Variants in SPAG17 observed in about 807,000 individuals in gnomAD.
SPAG17 encodes sperm associated antigen 17.
A neutral mutation model predicts 273.6 loss-of-function variants in SPAG17; 169 were observed. The observed-to-expected ratio is 0.62, with a 90% CI of 0.55 to 0.70. The LOEUF (loss-of-function observed/expected upper bound fraction) is 0.70. Among genes scored for constraint, SPAG17 ranks in the 30% least tolerant of loss-of-function variants. The probability of loss-of-function intolerance (pLI) is 0.00; values close to 1 mark genes in which losing one functional copy is unlikely to be tolerated. For synonymous variants in SPAG17, 825 were observed against 873.2 expected, an observed-to-expected ratio of 0.94 and a Z score of 0.97; for missense variants, 2,557 against 2,627.8, an observed-to-expected ratio of 0.97 and a Z score of 0.59.
At chr1:117,962,401 A>G (rs1653220017) in intron 48 of SPAG17, 1 of 152,230 alleles carries the variant, frequency 6.6e-6, no homozygotes, top group Non-Finnish European at 1.5e-5. Flanking sequence ...TATAAAAACC[A>G]TCTAATGACT....
chr1:118,119,802 G>C (rs1403431253), intron 3 of SPAG17, among the ~76,000 whole-genome samples: 4 of 151,990 alleles, frequency 2.6e-5, no homozygotes, highest in Admixed American at 1.3e-4. Flanking sequence ...CTTTACCACA[G>C]TAAAAAATAT....
At position 117,954,624 on chromosome 1, in the gene SPAG17, C is replaced by A. The variant is rs1300016718; in HGVS notation, c.*1-575G>T. 16 of 1,611,892 alleles carry A rather than the reference C, an allele frequency of 9.9e-6. 1 individual carries two copies. The highest frequency in any genetic ancestry group is 1.3e-5 in the African/African-American group (1 of 74,746). ...CCATCCTAATGGCTTATGGCAGTATCTCAGTGAGTAAAATGTCTAACGGTT... is the reference window on the plus strand; with the variant it reads ...CCATCCTAATGGCTTATGGCAGTATATCAGTGAGTAAAATGTCTAACGGTT... On this transcript the variant is annotated intron_variant, in intron 48 of 48. Transcript: ENST00000336338.
At chr1:118,148,163 G>A (rs17257736) in intron 3 of SPAG17, among the ~76,000 whole-genome samples, 4,225 of 152,186 alleles carry the variant, frequency 0.028, 87 homozygotes, top group Non-Finnish European at 0.042. Flanking sequence ...TTGAGAAATG[G>A]GATGTTGCAA....
intron 3 of SPAG17, among the ~76,000 whole-genome samples, chr1:118,116,209 T>C (rs1657070790): frequency 6.6e-6 from 1 of 152,144 alleles, no homozygotes; most frequent in South Asian, 2.1e-4. Context: ...CTTTATTTAC[T>C]GCAAAAAAAA....
chr1:118,035,416 T>C (rs759065122), intron 24 of SPAG17, among the ~76,000 whole-genome samples: 1 of 152,140 alleles, frequency 6.6e-6, no homozygotes, highest in Non-Finnish European at 1.5e-5. Context: ...GGTAGGAATT[T>C]TTAGTGACTG....
Position 118,030,401 on chromosome 1 carries a change from C to A in SPAG17, c.3609+1291G>T, listed in dbSNP as rs187701858. Among the ~76,000 whole-genome samples, 110 of 151,866 alleles carry A rather than the reference C, an allele frequency of 7.2e-4. 1 individual carries two copies. The highest frequency in any genetic ancestry group is 2.4e-3 in the African/African-American group (98 of 41,418). On this transcript the variant is annotated intron_variant, in intron 25 of 48. Coordinates refer to ENST00000336338, the MANE Select transcript of SPAG17 (RefSeq NM_206996.4). ...TTTCCTTGTTGCCGGTCTTTTAGAA[C>A]CTTCTTTTTTTTTTTCCAAAACTAT...
At chr1:118,076,415 T>C (rs1037933950) in intron 15 of SPAG17, 4 of 152,130 alleles carry the variant, frequency 2.6e-5, no homozygotes, top group Admixed American at 6.6e-5. Flanking sequence ...GGGAAAACCA[T>C]ACAGCCAATT....
intron 44 of SPAG17, among the ~76,000 whole-genome samples, chr1:117,972,573 TC>T (rs1654683430): frequency 6.6e-6 from 1 of 152,196 alleles, no homozygotes; most frequent in African/African-American, 2.4e-5. Context: ...AGTGCTGACA[TC>T]ATCTCAGAGT....
chr1:118,164,508 A>C (rs1339008715), intron 1 of SPAG17, among the ~76,000 whole-genome samples: 1 of 152,178 alleles, frequency 6.6e-6, no homozygotes, highest in East Asian at 1.9e-4. Context: ...CTCTTCCAAG[A>C]GCTTTTTGAA....
chr1:118,053,444 A>T (rs887790166), intron 20 of SPAG17, among the ~76,000 whole-genome samples: 4 of 152,094 alleles, frequency 2.6e-5, no homozygotes, highest in African/African-American at 9.6e-5. Context: ...AGAACACAAC[A>T]TTCAAAATTG....
At position 117,992,468 on chromosome 1, in the gene SPAG17, T is replaced by C; in HGVS notation, c.5359A>G (p.Lys1787Glu). 6.2e-7 allele frequency: 1 copy of C among 1,607,290 alleles called. No individual in the cohort carries two copies. Among genetic ancestry groups the C allele is most frequent in the Middle Eastern group, 1.7e-4 (1 of 5,942 alleles). ...EVKLRLQVSL[K>E]DYINYILKKE... ...TCAGGTCACCTAGATTCCATTACCTTAAGGGAAACCTGCAGCCTCAGTTTC... is the reference window on the plus strand; with the variant it reads ...TCAGGTCACCTAGATTCCATTACCTCAAGGGAAACCTGCAGCCTCAGTTTC... The change falls in exon 36 of 49, where the codon AAG becomes GAG. Residue 1787 changes from lysine (K) to glutamate (E), a missense_variant and splice_region_variant. Lys to Glu is a moderately conservative substitution (Grantham distance 56). Transcript: ENST00000336338.
intron 32 of SPAG17, among the ~76,000 whole-genome samples, chr1:118,001,096 T>C (rs1390316153): frequency 6.6e-6 from 1 of 152,226 alleles, no homozygotes; most frequent in Non-Finnish European, 1.5e-5. Context: ...GTTTTTGTTG[T>C]TGGTTCTGTT....
intron 1 of SPAG17, among the ~76,000 whole-genome samples, chr1:118,183,102 A>G (rs983709698): frequency 2.4e-4 from 36 of 152,130 alleles, no homozygotes; most frequent in African/African-American, 8.0e-4. Context: ...TTATCCAATG[A>G]GTTACTTCTA....
At chr1:118,110,863 T>C (rs1656716138) in intron 4 of SPAG17, among the ~76,000 whole-genome samples, 1 of 152,176 alleles carries the variant, frequency 6.6e-6, no homozygotes, top group Non-Finnish European at 1.5e-5. Context: ...AGGATATGTA[T>C]GGGGGTTAAG....
chr1:118,008,291 T>C lies in SPAG17; in HGVS notation c.4433-93A>G, dbSNP rs1659118894. On this transcript the variant is annotated intron_variant, in intron 30 of 48. Transcript: ENST00000336338. ...TGATTTTGCTGCTGTTTCCTGGCTGTCTGGATTCCCCATGGAAAAAACACA... is the reference window on the plus strand; with the variant it reads ...TGATTTTGCTGCTGTTTCCTGGCTGCCTGGATTCCCCATGGAAAAAACACA... 7.7e-6 allele frequency: 11 copies of C among 1,430,120 alleles called. No homozygotes were observed. The South Asian group carries it at 1.4e-4, about 18-fold the overall frequency. The allele number at this position is 1,430,120 out of a possible 1,614,324, so 88.6% of individuals were successfully genotyped here.
chr1:118,147,773 A>G (rs565129190), intron 3 of SPAG17, among the ~76,000 whole-genome samples: 24 of 152,332 alleles, frequency 1.6e-4, no homozygotes, highest in African/African-American at 4.8e-4. Context: ...CAAATCACTT[A>G]GGAATGTGGT....
chr1:118,159,762 T>C (rs1385985951), intron 1 of SPAG17, among the ~76,000 whole-genome samples: 1 of 152,158 alleles, frequency 6.6e-6, no homozygotes, highest in Non-Finnish European at 1.5e-5. Flanking sequence ...TAATTCGGTT[T>C]TGCTCCATGC....
chr1:117,993,362 T>A (rs997363878), intron 35 of SPAG17, among the ~76,000 whole-genome samples: 3 of 152,176 alleles, frequency 2.0e-5, no homozygotes, highest in African/African-American at 7.2e-5. Flanking sequence ...AGGATGAGAA[T>A]AAACTTCCTT....
intron 4 of SPAG17, among the ~76,000 whole-genome samples, chr1:118,103,592 T>C (rs548863950): frequency 6.6e-6 from 1 of 152,036 alleles, no homozygotes; most frequent in African/African-American, 2.4e-5. Flanking sequence ...GTGCCTAAAA[T>C]GGGGCTCGGC....
Sources: allele counts gnomAD v4.1 joint callset (sites outside exome capture counted in the v4.1 genomes callset), GRCh38; gene constraint gnomAD v4.1.1; transcripts MANE v1.5; gene names NCBI Gene and HGNC (gene_info 2026-07-23, HGNC 2026-07-21).